The following ABR variants were observed in gnomAD, a reference collection of about 807,000 sequenced individuals.
ABR encodes active breakpoint cluster region-related protein.
A neutral mutation model predicts 107.2 loss-of-function variants in ABR; 35 were observed. The observed-to-expected ratio is 0.33, with a 90% confidence interval of 0.25 to 0.43. ABR has a LOEUF of 0.43. Ranked by LOEUF, ABR falls within the 20% of genes least tolerant of loss-of-function variation. The pLI, the probability that ABR is intolerant of heterozygous loss-of-function variation, is 1.00. For synonymous variants in ABR, 498 were observed against 462.0 expected, an observed-to-expected ratio of 1.08 and a Z score of -1.00; for missense variants, 815 against 1,115.2, an observed-to-expected ratio of 0.73 and a Z score of 3.83.
intron 1 of ABR, among the ~76,000 whole-genome samples, chr17:1,138,302 C>T (rs919426274): frequency 6.6e-6 from 1 of 151,886 alleles, no homozygotes; most frequent in Non-Finnish European, 1.5e-5. Context: ...TGGGGGTGGA[C>T]GACGGGGACA....
At chr17:1,025,925 G>A (rs1017902303) in intron 16 of ABR, among the ~76,000 whole-genome samples, 3 of 152,186 alleles carry the variant, frequency 2.0e-5, no homozygotes, top group Non-Finnish European at 4.4e-5. Context: ...GGGCATGGGG[G>A]AAGGAGGTGA....
chr17:1,072,847 C>G, intron 7 of ABR, 93 bp from the exon 8 acceptor site: 1 of 1,418,612 alleles, frequency 7.0e-7, no homozygotes, highest in Non-Finnish European at 9.3e-7. Flanking sequence ...AAAGGGTGGG[C>G]ACTCAGGGAC....
At chr17:1,055,531 C>CT (rs768195007) in intron 14 of ABR, 3,070 of 142,772 alleles carry the variant, frequency 0.022, 43 homozygotes, top group African/African-American at 0.04. Flanking sequence ...CACTCGGTTT[C>CT]TTTTTTTTTT....
At chr17:1,087,241 A>AC in intron 4 of ABR, among the ~76,000 whole-genome samples, 1 of 151,498 alleles carries the variant, frequency 6.6e-6, no homozygotes, top group Non-Finnish European at 1.5e-5. Flanking sequence ...GCTGCTGTGG[A>AC]CCCCCACCCC....
In ABR at chr17:1,150,805, G is replaced by C. The variant is rs1207209044; in HGVS notation, c.62-25438C>G. Among the ~76,000 whole-genome samples, 1 of 152,136 alleles carries C rather than the reference G, an allele frequency of 6.6e-6. No homozygotes were observed. The highest frequency in any genetic ancestry group is 1.5e-5 in the Non-Finnish European group (1 of 68,018). On this transcript the variant is annotated intron_variant, in intron 1 of 22. Coordinates refer to ENST00000302538, the MANE Select transcript of ABR (RefSeq NM_021962.5). This position sits in a 1 kb window ranked among gnomAD's most constrained non-coding sequence, Gnocchi z 4.8. ...ACGCACACAGACGCCGGACTCCCTA[G>C]GTTCTGCAAACCCAGCCATCAACAC...
intron 2 of ABR, among the ~76,000 whole-genome samples, chr17:1,124,800 A>G (rs1319510122): frequency 6.6e-6 from 1 of 152,134 alleles, no homozygotes; most frequent in Non-Finnish European, 1.5e-5. Context: ...GAACACCTGG[A>G]GCCCACGGGC....
rs1368460231 is a variant in ABR, at chr17:1,078,416, ACCATCGCCAC to A, written c.700+904_700+913del. ...CTCGGCTGGCAACGCCGCCGTCCGG[ACCATCGCCAC>A]CCATCGCCACGCTGTGCCTGGCCCC... On this transcript the variant is annotated intron_variant, in intron 6 of 22. Coordinates refer to ENST00000302538, the MANE Select transcript of ABR (RefSeq NM_021962.5). This position sits in a 1 kb window ranked among gnomAD's most constrained non-coding sequence, Gnocchi z 7.5. Among the ~76,000 whole-genome samples the A allele has an allele frequency of 1.3e-5, 2 of 151,930 alleles. No individual in the cohort carries two copies. Among genetic ancestry groups the A allele is most frequent in the African/African-American group, 4.8e-5 (2 of 41,378 alleles).
intron 2 of ABR, among the ~76,000 whole-genome samples, chr17:1,116,751 TG>T (rs1454516044): frequency 1.4e-4 from 22 of 152,198 alleles, no homozygotes; most frequent in Admixed American, 5.2e-4. Flanking sequence ...GGCAGCCCCA[TG>T]GCTGGAGGAC....
At chr17:1,144,345 C>A (rs911656278) in intron 1 of ABR, among the ~76,000 whole-genome samples, 2 of 151,632 alleles carry the variant, frequency 1.3e-5, no homozygotes, top group African/African-American at 4.8e-5. Flanking sequence ...GACTCCAGCA[C>A]CCCCAGCTCC....
intron 1 of ABR, among the ~76,000 whole-genome samples, chr17:1,173,079 T>A (rs866981286): frequency 5.1e-5 from 1 of 19,444 alleles, no homozygotes; most frequent in Non-Finnish European, 1.1e-4. Flanking sequence ...ATCACCTCAG[T>A]CCACCCCCCC....
At chr17:1,187,923 T>C (rs551265562), upstream of ABR, among the ~76,000 whole-genome samples, 77 of 143,616 alleles carry the variant, frequency 5.4e-4, no homozygotes, top group Middle Eastern at 4.7e-3. Flanking sequence ...AAATAAAATA[T>C]TATCAAATTG....
chr17:1,008,410 C>T (rs1357210641), intron 21 of ABR, among the ~76,000 whole-genome samples: 1 of 152,242 alleles, frequency 6.6e-6, no homozygotes, highest in Non-Finnish European at 1.5e-5. Flanking sequence ...GTGATGCCAA[C>T]AGGCAGCTGT....
chr17:1,122,305 A>G (rs1207730997), intron 2 of ABR, among the ~76,000 whole-genome samples: 15 of 152,232 alleles, frequency 9.9e-5, no homozygotes, highest in Admixed American at 9.8e-4. Flanking sequence ...CAACCTGACT[A>G]GGCCACAAGG....
Position 1,068,550 on chromosome 17 carries a change from G to A in ABR, c.1017-1308C>T, listed in dbSNP as rs114657725. Among the ~76,000 whole-genome samples, 972 of 152,358 alleles carry A rather than the reference G, an allele frequency of 6.4e-3. 13 individuals carry two copies. The highest frequency in any genetic ancestry group is 0.022 in the African/African-American group (911 of 41,576). ...GAATCCAGACTGCCGCTTCTCAGCC[G>A]TGAGAAGGGGTGTGCTTGGCACACT... On this transcript the variant is annotated intron_variant, in intron 9 of 22. Coordinates refer to ENST00000302538, the MANE Select transcript of ABR (RefSeq NM_021962.5).
intron 1 of ABR, among the ~76,000 whole-genome samples, chr17:1,218,961 A>C (rs536580752): frequency 6.6e-6 from 1 of 152,306 alleles, no homozygotes; most frequent in East Asian, 1.9e-4. Flanking sequence ...AAATGAAGTT[A>C]ATATACTACT....
chr17:1,021,588 A>C (rs893241807), intron 16 of ABR, among the ~76,000 whole-genome samples: 1 of 146,030 alleles, frequency 6.8e-6, no homozygotes, highest in Non-Finnish European at 1.5e-5. Flanking sequence ...GGCGGATCAC[A>C]AGGTCAGGAG....
At chr17:1,054,027 T>C (rs535554464) in intron 14 of ABR, among the ~76,000 whole-genome samples, 8 of 152,200 alleles carry the variant, frequency 5.3e-5, no homozygotes, top group African/African-American at 1.9e-4. Flanking sequence ...CCCAAAAGGT[T>C]AGAGCTCCGG....
intron 10 of ABR, among the ~76,000 whole-genome samples, chr17:1,059,770 C>T (rs1228476617): frequency 6.6e-6 from 1 of 152,246 alleles, no homozygotes; most frequent in South Asian, 2.1e-4. Context: ...TCAAGCTCCT[C>T]AGTTAGAATT....
intron 16 of ABR, among the ~76,000 whole-genome samples, chr17:1,039,209 G>A (rs563118252): frequency 2.0e-4 from 30 of 152,264 alleles, no homozygotes; most frequent in Admixed American, 1.3e-3. Flanking sequence ...CTTCAGAGGC[G>A]GGTCAGGGGG....
Sources: gnomAD v4.1 joint callset for allele counts (sites outside exome capture counted in the v4.1 genomes callset) on GRCh38, gnomAD v4.1.1 for gene constraint, Gnocchi (gnomAD v3.1) non-coding constraint, MANE v1.5 for transcripts, NCBI Gene and HGNC (gene_info 2026-07-23, HGNC 2026-07-21) for gene names.